The following KAZN variants were observed in gnomAD, a reference collection of about 807,000 sequenced individuals.
KAZN encodes kazrin.
Under a neutral mutation model 87.4 loss-of-function variants are expected in KAZN, and 40 were observed. That is an observed-to-expected ratio of 0.46 (90% confidence interval 0.36 to 0.60). The LOEUF is 0.60. KAZN is among the 20% of genes least tolerant of loss of function. KAZN has a pLI of 0.00. For missense variants in KAZN, 898 were observed against 1,073.9 expected (o/e 0.84, Z 2.29); for synonymous variants, 466 against 458.3 (o/e 1.02, Z -0.22).
chr1:15,046,116 G>A (rs938317666), intron 4 of KAZN, among the ~76,000 whole-genome samples: 10 of 152,134 alleles, frequency 6.6e-5, no homozygotes, highest in African/African-American at 1.2e-4. Flanking sequence ...TGGCTAACAC[G>A]GTGTAACCTT....
At chr1:14,958,594 G>T (rs1040918776) in intron 1 of KAZN, among the ~76,000 whole-genome samples, 1 of 152,208 alleles carries the variant, frequency 6.6e-6, no homozygotes, top group Non-Finnish European at 1.5e-5. Flanking sequence ...GCTCAGCAGG[G>T]TGGGACAGCC....
intron 1 of KAZN, among the ~76,000 whole-genome samples, chr1:14,042,158 C>T (rs1338223394): frequency 6.6e-6 from 1 of 151,988 alleles, no homozygotes; most frequent in East Asian, 1.9e-4. Context: ...CTGGATTGAC[C>T]TAATTTTCTT....
At chr1:15,068,252 A>T in intron 8 of KAZN, 19 of 203,442 alleles carry the variant, frequency 9.3e-5, no homozygotes, top group Non-Finnish European at 1.6e-4. Flanking sequence ...TTGGACTTCC[A>T]GGGCTGGGTT....
chr1:14,766,192 G>A (rs1413060126), intron 1 of KAZN, among the ~76,000 whole-genome samples: 6 of 152,150 alleles, frequency 3.9e-5, no homozygotes, highest in African/African-American at 7.2e-5. Flanking sequence ...TACAGGACAC[G>A]GGTATGTCTG....
chr1:15,036,121 T>G (rs1316788105), intron 3 of KAZN, among the ~76,000 whole-genome samples: 1 of 152,050 alleles, frequency 6.6e-6, no homozygotes, highest in African/African-American at 2.4e-5. Flanking sequence ...GAGAGTTCTC[T>G]GGGCCAGGCC....
At chr1:14,719,621 C>T (rs1232489449) in intron 1 of KAZN, among the ~76,000 whole-genome samples, 1 of 152,284 alleles carries the variant, frequency 6.6e-6, no homozygotes, top group Non-Finnish European at 1.5e-5. Context: ...GGCGGATCAC[C>T]TGAGGTCAGG....
At chr1:14,618,722 T>A (rs1420653388) in intron 1 of KAZN, among the ~76,000 whole-genome samples, 1 of 152,220 alleles carries the variant, frequency 6.6e-6, no homozygotes, top group African/African-American at 2.4e-5. Context: ...AAAGCCTATA[T>A]TTTTAACCAG....
intron 2 of KAZN, among the ~76,000 whole-genome samples, chr1:14,313,653 C>T (rs1276107294): frequency 6.6e-6 from 1 of 152,108 alleles, no homozygotes; most frequent in Non-Finnish European, 1.5e-5. Context: ...GTTTGACCTG[C>T]TTTTGAGTTC....
rs548980610 is a variant in KAZN, at chr1:14,410,172, C to T, written c.250-188811C>T. 3.3e-5 allele frequency among the ~76,000 whole-genome samples: 5 copies of T among 152,308 alleles called. No homozygotes were observed. The East Asian group carries it at 5.8e-4, about 18-fold the overall frequency. ...GAGCTGGAGTGCAGCAGCGTGATCT[C>T]GTCTCACTGCAACCTCCGACTACCG... is the stretch of plus-strand genomic sequence containing the variant. On this transcript the variant is annotated intron_variant, in intron 2 of 16. Coordinates refer to the KAZN transcript ENST00000636203.
chr1:14,111,934 T>A (rs1644508107), intron 1 of KAZN, among the ~76,000 whole-genome samples: 1 of 152,072 alleles, frequency 6.6e-6, no homozygotes, highest in Admixed American at 6.6e-5. Context: ...GAGACGGGCT[T>A]TCACCATATT....
At chr1:14,235,060 T>C (rs78237998) in intron 2 of KAZN, among the ~76,000 whole-genome samples, 1,995 of 152,338 alleles carry the variant, frequency 0.013, 41 homozygotes, top group African/African-American at 0.044. Flanking sequence ...AATTGCGGTG[T>C]ATATCCGTGT....
At chr1:14,903,957 G>A (rs1656210029) in intron 1 of KAZN, among the ~76,000 whole-genome samples, 1 of 152,160 alleles carries the variant, frequency 6.6e-6, no homozygotes, top group Admixed American at 6.6e-5. Context: ...AGACAGCGAG[G>A]GCAGCATTCT....
At chr1:14,569,207 G>T (rs1674710442) in intron 2 of KAZN, among the ~76,000 whole-genome samples, 1 of 151,354 alleles carries the variant, frequency 6.6e-6, no homozygotes, top group Non-Finnish European at 1.5e-5. Flanking sequence ...TAGAAAATGT[G>T]TTGGATATTA....
chr1:14,545,723 G>T (rs12564157), intron 2 of KAZN, among the ~76,000 whole-genome samples: 65,583 of 152,000 alleles, frequency 0.43, 14,767 homozygotes, highest in Middle Eastern at 0.56. Context: ...AGGTAGACAG[G>T]GGTCTCTGTT....
At chr1:14,403,446 C>A (rs1358890062) in intron 2 of KAZN, among the ~76,000 whole-genome samples, 1 of 151,952 alleles carries the variant, frequency 6.6e-6, no homozygotes, top group Admixed American at 6.5e-5. Context: ...TGGTTCATTT[C>A]AATTTTATAA....
intron 1 of KAZN, among the ~76,000 whole-genome samples, chr1:14,742,127 C>T (rs79682618): frequency 1.3e-5 from 2 of 152,292 alleles, no homozygotes; most frequent in East Asian, 1.9e-4. Flanking sequence ...ACAGAACAAA[C>T]GAAAGGAGGA....
chr1:14,469,866 GGTT>G (rs1668359404), intron 2 of KAZN, among the ~76,000 whole-genome samples: 1 of 151,446 alleles, frequency 6.6e-6, no homozygotes, highest in African/African-American at 2.5e-5. Context: ...GCACTTGCCA[GGTT>G]AGCTCTTCTT....
intron 1 of KAZN, among the ~76,000 whole-genome samples, chr1:13,972,528 T>C (rs1642177143): frequency 6.6e-6 from 1 of 152,196 alleles, no homozygotes; most frequent in Admixed American, 6.5e-5. Context: ...CAGAGCTCTA[T>C]GATCCATGAT....
At chr1:14,394,391 G>A (rs1243528642) in intron 2 of KAZN, among the ~76,000 whole-genome samples, 1 of 152,212 alleles carries the variant, frequency 6.6e-6, no homozygotes, top group Non-Finnish European at 1.5e-5. Flanking sequence ...GAAGGAATCT[G>A]GGATGGGGGT....
Sources: gnomAD v4.1 joint callset for allele counts (sites outside exome capture counted in the v4.1 genomes callset) on GRCh38, gnomAD v4.1.1 for gene constraint, MANE v1.5 for transcripts, NCBI Gene and HGNC (gene_info 2026-07-23, HGNC 2026-07-21) for gene names.